The following DOCK9 variants were observed in gnomAD, a reference collection of about 807,000 sequenced individuals.
DOCK9 encodes the protein dedicator of cytokinesis 9.
DOCK9 carries 89 observed loss-of-function variants against 263.3 expected under a neutral mutation model. The observed-to-expected ratio is 0.34, with a 90% CI of 0.28 to 0.40. DOCK9 has a LOEUF of 0.40. DOCK9 is among the 10% of genes least tolerant of loss of function. The probability of loss-of-function intolerance (pLI) is 1.00; values close to 1 mark genes in which losing one functional copy is unlikely to be tolerated. For missense variants in DOCK9, 2,140 were observed against 2,603.4 expected (o/e 0.82, Z 3.87); for synonymous variants, 976 against 973.1 (o/e 1.00, Z -0.06).
intron 45 of DOCK9, among the ~76,000 whole-genome samples, chr13:98,810,778 G>A (rs935986981): frequency 6.6e-5 from 10 of 152,150 alleles, no homozygotes; most frequent in African/African-American, 2.2e-4. Context: ...TCTACCAATT[G>A]AAGTTTGGGT....
intron 1 of DOCK9, among the ~76,000 whole-genome samples, chr13:99,000,448 C>T (rs1882065903): frequency 6.6e-6 from 1 of 152,168 alleles, no homozygotes; most frequent in African/African-American, 2.4e-5. Flanking sequence ...GCTTGCTTGG[C>T]AGAGTAGCTT....
At position 98,938,304 on chromosome 13, in the gene DOCK9, C is replaced by T. The variant is rs114822022; in HGVS notation, c.244-8047G>A. On this transcript the variant is annotated intron_variant, in intron 2 of 52. Transcript: ENST00000682017. ...AGTTGAGAGCCAGGAAACCTGAGTCCTTACCCCAGCTCTGCCTCTAATTAG... is the reference window on the plus strand; with the variant it reads ...AGTTGAGAGCCAGGAAACCTGAGTCTTTACCCCAGCTCTGCCTCTAATTAG... 3.9e-3 allele frequency among the ~76,000 whole-genome samples: 598 copies of T among 152,290 alleles called. 4 individuals are homozygous for T. The highest frequency in any genetic ancestry group is 0.014 in the African/African-American group (572 of 41,568).
In DOCK9 at chr13:98,863,395, G is replaced by A. The variant is rs371519923; in HGVS notation, c.3440C>T (p.Ser1147Phe). 71 of 1,613,732 alleles carry A rather than the reference G, an allele frequency of 4.4e-5. No homozygotes were observed. The highest frequency in any genetic ancestry group is 5.7e-5 in the Non-Finnish European group (67 of 1,179,854). Residue 1147 changes from serine (S) to phenylalanine (F), a missense_variant, in exon 31 of 53, where the codon TCT (serine) becomes TTT (phenylalanine). Physicochemically the swap from Ser to Phe is radical, Grantham distance 155. This residue lies in a region of DOCK9 where 1,521 missense variants were observed against 1,741.7 expected (regional missense o/e 0.87). Transcript: ENST00000682017. Reference protein sequence around the residue: ...SVLKNLLIKHSFDDRYASRSH... With the variant: ...SVLKNLLIKHFFDDRYASRSH... Reference sequence around the variant, plus strand: ...CCTTGAAGCATATCTGTCATCAAAAGAATGCTTTATCAGCAGGTTCTTGAG... The same window carrying A: ...CCTTGAAGCATATCTGTCATCAAAAAAATGCTTTATCAGCAGGTTCTTGAG...
intron 1 of DOCK9, among the ~76,000 whole-genome samples, chr13:99,081,744 A>G (rs1208211261): frequency 6.6e-6 from 1 of 152,218 alleles, no homozygotes; most frequent in Non-Finnish European, 1.5e-5. Flanking sequence ...AAGTAATCAT[A>G]ACTCAACCCT....
At chr13:98,817,173 A>G (rs2091922232) in intron 45 of DOCK9, among the ~76,000 whole-genome samples, 2 of 152,170 alleles carry the variant, frequency 1.3e-5, no homozygotes. Context: ...AATATATGCC[A>G]AACAGAATTT....
At chr13:98,972,522 C>G (rs1421987058) in intron 1 of DOCK9, among the ~76,000 whole-genome samples, 1 of 152,146 alleles carries the variant, frequency 6.6e-6, no homozygotes, top group Admixed American at 6.5e-5. Flanking sequence ...TTTTCCAGGC[C>G]TGGCATGGTA....
chr13:98,949,122 G>A (rs1323247810), intron 2 of DOCK9, among the ~76,000 whole-genome samples: 1 of 152,110 alleles, frequency 6.6e-6, no homozygotes, highest in Non-Finnish European at 1.5e-5. Context: ...ACCCAGGCTG[G>A]ACCGCAGCAG....
intron 33 of DOCK9, chr13:98,856,291 T>C (rs997803789): frequency 6.2e-6 from 2 of 320,116 alleles, no homozygotes; most frequent in Non-Finnish European, 1.1e-5. Context: ...ACTAAATGCA[T>C]ACCTGTTTCA....
chr13:98,821,147 C>G (rs2092249137), intron 45 of DOCK9, among the ~76,000 whole-genome samples: 1 of 152,192 alleles, frequency 6.6e-6, no homozygotes, highest in Admixed American at 6.5e-5. Context: ...CCTCTGGGCC[C>G]TGTTCTCCTG....
chr13:98,837,547 C>T lies in DOCK9; in HGVS notation c.4261G>A (p.Glu1421Lys). 1 of 1,613,820 alleles carries T rather than the reference C, an allele frequency of 6.2e-7. No homozygotes were observed. The highest frequency in any genetic ancestry group is 1.1e-5 in the South Asian group (1 of 91,068). The change falls in exon 39 of 53, where the codon GAG (glutamate) becomes AAG (lysine). Residue 1421 changes from glutamate (E) to lysine (K), a missense_variant. Glu to Lys is a moderately conservative substitution (Grantham distance 56, BLOSUM62 1). This residue lies in a region of DOCK9 where 1,521 missense variants were observed against 1,741.7 expected (regional missense o/e 0.87). Transcript: ENST00000682017. ...GTGTCCAGAGCTGTCAGGCAAACCT[C>T]AGTAGCAATGTTGGCTTCAAGTAAT... ...QSLLEANIAT[E>K]VCLTALDTLS... is the part of the protein sequence containing the mutation.
chr13:98,990,974 T>C (rs1022980828), intron 1 of DOCK9, among the ~76,000 whole-genome samples: 1 of 152,156 alleles, frequency 6.6e-6, no homozygotes, highest in African/African-American at 2.4e-5. Context: ...AAGCATTTCT[T>C]AACCACAGAG....
intron 21 of DOCK9, 46 bp downstream of exon 21, chr13:98,884,925 G>A (rs2045439167): frequency 6.3e-7 from 1 of 1,576,768 alleles, no homozygotes; most frequent in Non-Finnish European, 8.6e-7. Flanking sequence ...GTTCTTTAAT[G>A]TTTTCTGAAG....
intron 1 of DOCK9, among the ~76,000 whole-genome samples, chr13:99,070,249 C>G (rs1241782730): frequency 6.6e-6 from 1 of 152,220 alleles, no homozygotes; most frequent in Non-Finnish European, 1.5e-5. Context: ...ATTTGAACAT[C>G]TTACATGTAG....
chr13:99,037,668 T>C (rs987456094), intron 1 of DOCK9, among the ~76,000 whole-genome samples: 1 of 152,206 alleles, frequency 6.6e-6, no homozygotes, highest in Non-Finnish European at 1.5e-5. Flanking sequence ...TGTACACAAA[T>C]ATTCATGGCA....
chr13:98,897,072 C>A (rs769555518), intron 15 of DOCK9, among the ~76,000 whole-genome samples: 18 of 152,220 alleles, frequency 1.2e-4, no homozygotes, highest in Non-Finnish European at 2.6e-4. Flanking sequence ...AGAAACCTTG[C>A]AAGTTATTTA....
At chr13:98,973,217 G>A (rs1316733542) in intron 1 of DOCK9, among the ~76,000 whole-genome samples, 1 of 152,144 alleles carries the variant, frequency 6.6e-6, no homozygotes, top group Non-Finnish European at 1.5e-5. Context: ...TATTGTCTAA[G>A]CATAATTTAA....
At chr13:99,087,350 G>A (rs1040316470), upstream of DOCK9, among the ~76,000 whole-genome samples, 7 of 152,220 alleles carry the variant, frequency 4.6e-5, no homozygotes, top group Non-Finnish European at 4.4e-5. Flanking sequence ...CAATACTTCG[G>A]AGCCTCGGTT....
intron 45 of DOCK9, among the ~76,000 whole-genome samples, chr13:98,819,940 A>AT (rs1352466982): frequency 1.3e-5 from 2 of 152,256 alleles, no homozygotes; most frequent in African/African-American, 2.4e-5. Flanking sequence ...TATAATGTTT[A>AT]TTACATTCAG....
upstream of DOCK9, among the ~76,000 whole-genome samples, chr13:98,980,077 T>G (rs1211782620): frequency 6.6e-6 from 1 of 152,336 alleles, no homozygotes; most frequent in East Asian, 1.9e-4. Flanking sequence ...CCAGGCTGAG[T>G]GCAGGGGCTC....
Sources: gnomAD v4.1 joint callset for allele counts (sites outside exome capture counted in the v4.1 genomes callset) on GRCh38, gnomAD v4.1.1 for gene constraint, gnomAD v4.1.1 regional missense constraint, MANE v1.5 for transcripts, NCBI Gene and HGNC (gene_info 2026-07-23, HGNC 2026-07-21) for gene names.